The following ATP6V1B2 variants were observed in gnomAD, a reference collection of about 807,000 sequenced individuals.
The protein encoded by ATP6V1B2 is V-type proton ATPase subunit B, brain isoform.
Under a neutral mutation model 66.7 loss-of-function variants are expected in ATP6V1B2, and 23 were observed. The observed-to-expected ratio is 0.34, with a 90% CI of 0.25 to 0.49. ATP6V1B2 has a LOEUF of 0.49. ATP6V1B2 is among the 20% of genes least tolerant of loss of function. The pLI is 0.99. For missense variants in ATP6V1B2, 478 were observed against 650.8 expected (o/e 0.73, Z 2.89); for synonymous variants, 278 against 236.7 (o/e 1.17, Z -1.60).
In ATP6V1B2 at chr8:20,217,243, G is replaced by C; in HGVS notation, c.1185G>C (p.Leu395=). ...NRQIYPPINV[L]PSLSRLMKSA... ...AGATTTATCCACCTATCAATGTGCTGCCCTCACTATCACGGTTAATGAAGT... is the reference window on the plus strand; with the variant it reads ...AGATTTATCCACCTATCAATGTGCTCCCCTCACTATCACGGTTAATGAAGT... The change falls in exon 12 of 14, where the codon CTG becomes CTC. Residue 395 remains leucine (L), a synonymous_variant. Coordinates refer to ENST00000276390, the MANE Select transcript of ATP6V1B2 (RefSeq NM_001693.4). 2 of 1,613,022 alleles carry C rather than the reference G, an allele frequency of 1.2e-6. No homozygotes were observed. Among genetic ancestry groups the C allele is most frequent in the Non-Finnish European group, 1.7e-6 (2 of 1,179,260 alleles).
intron 1 of ATP6V1B2, chr8:20,204,093 A>G (rs2072714306): frequency 2.3e-6 from 1 of 440,856 alleles, no homozygotes; most frequent in East Asian, 6.9e-5. Context: ...GGTGAGAACT[A>G]TTCCCCTGTT....
intron 2 of ATP6V1B2, 24 bp downstream of exon 2, chr8:20,204,563 C>G: frequency 1.3e-6 from 2 of 1,588,662 alleles, no homozygotes; most frequent in East Asian, 2.2e-5. Flanking sequence ...CTGTTTTGGT[C>G]TATTTATGTA....
intron 7 of ATP6V1B2, 141 bp from the exon 8 acceptor site, chr8:20,211,961 T>C (rs1443583671): frequency 1.2e-6 from 1 of 863,994 alleles, no homozygotes; most frequent in African/African-American, 1.7e-5. Context: ...CGGCTCTTTG[T>C]TCTGTTGGTT....
intron 1 of ATP6V1B2, among the ~76,000 whole-genome samples, chr8:20,203,720 T>C (rs2072709444): frequency 6.6e-6 from 1 of 152,184 alleles, no homozygotes. Flanking sequence ...GCAGGTGTGA[T>C]AGGTGAGGGC....
chr8:20,211,366 A>T (rs201530787), intron 6 of ATP6V1B2, 50 bp downstream of exon 6: 2 of 1,588,506 alleles, frequency 1.3e-6, no homozygotes, highest in Non-Finnish European at 1.7e-6. Context: ...AAGAATTTCT[A>T]TAATGCATCA....
rs2128886771 is a variant in ATP6V1B2, at chr8:20,218,051, T to C, written c.1267-102T>C. 4 of 1,406,576 alleles carry C rather than the reference T, an allele frequency of 2.8e-6. No individual in the cohort carries two copies. The East Asian group carries it at 9.6e-5, about 34-fold the overall frequency. 87.1% of individuals were successfully genotyped at this position (1,406,576 alleles called of 1,614,324 possible). ...GAATTGTTTTTGTAAATTCCTTCTATGGGCTCTTGTGAGGAGAACTAGAGC... is the reference window on the plus strand; with the variant it reads ...GAATTGTTTTTGTAAATTCCTTCTACGGGCTCTTGTGAGGAGAACTAGAGC... On this transcript the variant is annotated intron_variant, in intron 12 of 13. Coordinates refer to ENST00000276390, the MANE Select transcript of ATP6V1B2 (RefSeq NM_001693.4).
intron 13 of ATP6V1B2, among the ~76,000 whole-genome samples, chr8:20,218,983 C>A (rs545511749): frequency 1.3e-5 from 2 of 152,240 alleles, no homozygotes; most frequent in East Asian, 3.9e-4. Context: ...AGCTCAGTAA[C>A]TGGGCATTAT....
chr8:20,197,625 TA>T (rs915776422), intron 1 of ATP6V1B2, 83 bp downstream of exon 1: 35 of 1,282,048 alleles, frequency 2.7e-5, no homozygotes, highest in Non-Finnish European at 3.2e-5. Flanking sequence ...AGCCAGCGGG[TA>T]GGGGGTAGGA....
chr8:20,211,079 T>A, intron 5 of ATP6V1B2, 98 bp from the exon 6 acceptor site: 1 of 1,473,620 alleles, frequency 6.8e-7, no homozygotes, highest in Non-Finnish European at 9.2e-7. Context: ...TCTGGTCTTC[T>A]GGTGCTTTTT....
chr8:20,210,204 T>A, intron 3 of ATP6V1B2, 142 bp from the exon 4 acceptor site: 1 of 657,252 alleles, frequency 1.5e-6, no homozygotes, highest in Non-Finnish European at 2.5e-6. Context: ...TGATTTATTA[T>A]CATATTTCTT....
At chr8:20,205,607 C>T (rs1249116758) in intron 2 of ATP6V1B2, among the ~76,000 whole-genome samples, 1 of 152,142 alleles carries the variant, frequency 6.6e-6, no homozygotes, top group Non-Finnish European at 1.5e-5. Flanking sequence ...GTAGAAAAAT[C>T]TATTTAGACT....
intron 11 of ATP6V1B2, 114 bp downstream of exon 11, chr8:20,216,609 G>T: frequency 1.1e-6 from 1 of 896,778 alleles, no homozygotes; most frequent in Non-Finnish European, 1.7e-6. Flanking sequence ...AACTTGAATT[G>T]TTTTTAATAT....
At chr8:20,203,835 A>G (rs550643332) in intron 1 of ATP6V1B2, 4 of 358,822 alleles carry the variant, frequency 1.1e-5, no homozygotes, top group Non-Finnish European at 2.2e-5. Context: ...GACTTTTTTT[A>G]AAAGGATCCT....
chr8:20,201,494 T>G (rs528545169), intron 1 of ATP6V1B2, among the ~76,000 whole-genome samples: 1 of 152,302 alleles, frequency 6.6e-6, no homozygotes, highest in South Asian at 2.1e-4. Context: ...GGAGAAGAGC[T>G]GTAGTTTTAT....
chr8:20,210,555 T>G lies in ATP6V1B2; in HGVS notation c.386-14T>G, dbSNP rs1223803586. 1 of 1,613,402 alleles carries G rather than the reference T, an allele frequency of 6.2e-7. No individual in the cohort carries two copies. Among genetic ancestry groups the G allele is most frequent in the Non-Finnish European group, 8.5e-7 (1 of 1,179,514 alleles). Reference sequence around the variant, plus strand: ...TCAGCATCTACTCTGTCCTGTCTTCTTACTGATTTCTAGGTCGGGTATTCA... The same window carrying G: ...TCAGCATCTACTCTGTCCTGTCTTCGTACTGATTTCTAGGTCGGGTATTCA... On this transcript the variant is annotated splice_polypyrimidine_tract_variant and intron_variant, in intron 4 of 13. Coordinates refer to ENST00000276390, the MANE Select transcript of ATP6V1B2 (RefSeq NM_001693.4).
At chr8:20,201,167 G>T (rs1212188826) in intron 1 of ATP6V1B2, among the ~76,000 whole-genome samples, 1 of 152,122 alleles carries the variant, frequency 6.6e-6, no homozygotes, top group Non-Finnish European at 1.5e-5. Context: ...ATGTTAAGAA[G>T]GTAATATAAG....
At chr8:20,208,008 T>C (rs573352148) in intron 2 of ATP6V1B2, among the ~76,000 whole-genome samples, 22 of 152,330 alleles carry the variant, frequency 1.4e-4, no homozygotes, top group African/African-American at 5.3e-4. Flanking sequence ...CAAACTAAAA[T>C]GATGCTGTTT....
Position 20,217,358 on chromosome 8 carries a change from A to T in ATP6V1B2, c.1266+34A>T, listed in dbSNP as rs757056319. On this transcript the variant is annotated intron_variant, in intron 12 of 13. Transcript: ENST00000276390. ...ATTCTTCTAAGAATGGTGTTTGAAA[A>T]TATGGATACGTTTCTGCTGTCTTAC... The T allele has an allele frequency of 2.6e-6, 4 of 1,545,874 alleles. No homozygotes were observed. The South Asian group carries it at 4.5e-5, about 17-fold the overall frequency.
chr8:20,215,388 G>T (rs944568802), intron 10 of ATP6V1B2: 1 of 152,854 alleles, frequency 6.5e-6, no homozygotes, highest in African/African-American at 2.4e-5. Context: ...AAAACTGAGA[G>T]ACAGATTTTT....
Sources: allele counts gnomAD v4.1 joint callset (sites outside exome capture counted in the v4.1 genomes callset), GRCh38; gene constraint gnomAD v4.1.1; transcripts MANE v1.5; gene names NCBI Gene and HGNC (gene_info 2026-07-23, HGNC 2026-07-21).